Variants in ZNF766 observed in about 807,000 individuals in gnomAD.
ZNF766 encodes zinc finger protein 766.
ZNF766 carries 13 observed loss-of-function variants against 13.2 expected under a neutral mutation model. The ratio of observed to expected loss-of-function variants is 0.98; its 90% CI spans 0.64 to 1.56. ZNF766 has a LOEUF of 1.56. ZNF766 is among the 40% of genes most tolerant of loss of function. The pLI is 0.00. For synonymous variants in ZNF766, 178 were observed against 187.6 expected (o/e 0.95, Z 0.42); for missense variants, 521 against 552.2 (o/e 0.94, Z 0.57).
rs776139258 is a variant in ZNF766, at chr19:52,290,988, A to G, written c.1197A>G (p.Ala399=). 6.2e-7 allele frequency: 1 copy of G among 1,614,132 alleles called. No homozygotes were observed. Among genetic ancestry groups the G allele is most frequent in the Admixed American group, 1.7e-5 (1 of 60,024 alleles). ...TCTTCACTCAAGTTTCACATCTTGC[A>G]CGACATCAGAAAATTCACACTGGAG... ...GKVFTQVSHL[A]RHQKIHTGEK... is the part of the protein sequence containing the mutation. The change falls in exon 4 of 4, where the codon GCA becomes GCG. Residue 399 remains alanine (A), a synonymous_variant. Coordinates refer to ENST00000439461, the MANE Select transcript of ZNF766 (RefSeq NM_001010851.3).
intron 1 of ZNF766, 60 bp downstream of exon 1, chr19:52,269,691 C>G: frequency 6.2e-7 from 1 of 1,604,818 alleles, no homozygotes; most frequent in Non-Finnish European, 8.5e-7. Flanking sequence ...GCTTCTGTAC[C>G]CGGGATGTGG....
intron 1 of ZNF766, among the ~76,000 whole-genome samples, chr19:52,279,921 G>C (rs932101476): frequency 2.1e-5 from 3 of 144,578 alleles, no homozygotes; most frequent in Non-Finnish European, 4.5e-5. Flanking sequence ...TCAGCCTCCC[G>C]AGTAGCTTGG....
At chr19:52,278,939 A>AATTT (rs1352537293) in intron 1 of ZNF766, among the ~76,000 whole-genome samples, 1 of 152,158 alleles carries the variant, frequency 6.6e-6, no homozygotes, top group African/African-American at 2.4e-5. Flanking sequence ...TTTGTCATGA[A>AATTT]ATCTTTGCCC....
intron 3 of ZNF766, chr19:52,288,027 C>CT (rs548374068): frequency 0.059 from 18,437 of 312,534 alleles, no homozygotes; most frequent in South Asian, 0.11. Flanking sequence ...TTTTCTTTTT[C>CT]TTTTTTTTTT....
At chr19:52,286,929 G>A (rs1264627202) in intron 3 of ZNF766, among the ~76,000 whole-genome samples, 1 of 152,096 alleles carries the variant, frequency 6.6e-6, no homozygotes, top group Admixed American at 6.6e-5. Context: ...TCTGCCTACT[G>A]GGCTCAAGTG....
At chr19:52,271,526 C>G (rs914474896) in intron 1 of ZNF766, among the ~76,000 whole-genome samples, 3 of 152,160 alleles carry the variant, frequency 2.0e-5, no homozygotes, top group African/African-American at 7.2e-5. Flanking sequence ...TGTTGCTGAC[C>G]CTGCGATTGT....
intron 1 of ZNF766, among the ~76,000 whole-genome samples, chr19:52,277,809 G>C (rs954502292): frequency 7.2e-5 from 11 of 152,196 alleles, no homozygotes; most frequent in African/African-American, 2.6e-4. Context: ...GGGCCCCGTG[G>C]TGTCAGTGCT....
intron 2 of ZNF766, among the ~76,000 whole-genome samples, chr19:52,282,913 G>A (rs1481237519): frequency 6.6e-6 from 1 of 152,182 alleles, no homozygotes; most frequent in Admixed American, 6.6e-5. Context: ...GTCTGTGGGT[G>A]AATTTGTGAA....
At chr19:52,280,664 C>T (rs2122475179) in intron 1 of ZNF766, among the ~76,000 whole-genome samples, 1 of 152,122 alleles carries the variant, frequency 6.6e-6, no homozygotes, top group Non-Finnish European at 1.5e-5. Flanking sequence ...CTCACTGCAG[C>T]CTCCGCCTCC....
At chr19:52,281,717 A>G (rs1251066331) in intron 1 of ZNF766, 3 of 451,552 alleles carry the variant, frequency 6.6e-6, no homozygotes, top group African/African-American at 6.1e-5. Flanking sequence ...TAACTGCTTG[A>G]TTCTTTAGGT....
Position 52,292,054 on chromosome 19 carries a change from G to T in ZNF766, c.*856G>T, listed in dbSNP as rs1274449746. 1.5e-6 allele frequency: 1 copy of T among 669,658 alleles called. No individual in the cohort carries two copies. Among genetic ancestry groups the T allele is most frequent in the Admixed American group, 2.2e-5 (1 of 44,828 alleles). 41.5% of individuals were successfully genotyped at this position (669,658 alleles called of 1,614,324 possible). ...TCTTGCCATTTGTACTCCAGCTTGG[G>T]TGACAGAGCGAGACCCTGTCTCAAA... On this transcript the variant is annotated 3_prime_UTR_variant, in exon 4 of 4. Transcript: ENST00000439461.
rs1982294706 is a variant in ZNF766 at position 52,295,147 on chromosome 19, T to C, written c.*3949T>C. 1 of 151,910 alleles carries C rather than the reference T, an allele frequency of 6.6e-6. No homozygotes were observed. The highest frequency in any genetic ancestry group is 2.4e-5 in the African/African-American group (1 of 41,380). 9.4% of individuals were successfully genotyped at this position (151,910 alleles called of 1,614,324 possible). On this transcript the variant is annotated 3_prime_UTR_variant, in exon 4 of 4. Coordinates refer to ENST00000439461, the MANE Select transcript of ZNF766 (RefSeq NM_001010851.3). ...TATATAATATTTTTTTTTTACTTTT[T>C]TCTTTTTCTGTACATTGCATCCAGA...
chr19:52,275,934 G>A (rs949596630), intron 1 of ZNF766, among the ~76,000 whole-genome samples: 3 of 152,102 alleles, frequency 2.0e-5, no homozygotes, highest in African/African-American at 7.2e-5. Context: ...ACCTGCCTTG[G>A]TCTCCCAAAG....
In ZNF766 at chr19:52,282,247, A is replaced by C; in HGVS notation, c.145+10A>C. 6.3e-7 allele frequency: 1 copy of C among 1,589,608 alleles called. No homozygotes were observed. Among genetic ancestry groups the C allele is most frequent in the South Asian group, 1.1e-5 (1 of 90,152 alleles). ...AACCTGGTCTCCCTGGGTAAGGATA[A>C]TGCCCCTCCAGAAGTTGGGGTCTGC... is the stretch of plus-strand genomic sequence containing the variant. On this transcript the variant is annotated intron_variant, in intron 2 of 3. Transcript: ENST00000439461.
At chr19:52,278,255 A>G (rs1981314024) in intron 1 of ZNF766, among the ~76,000 whole-genome samples, 1 of 151,852 alleles carries the variant, frequency 6.6e-6, no homozygotes, top group Non-Finnish European at 1.5e-5. Flanking sequence ...TTTTAGTAAT[A>G]GCCATTCTGA....
Position 52,292,293 on chromosome 19 carries a change from G to A in ZNF766, c.*1095G>A, listed in dbSNP as rs942414408. 7.6e-6 allele frequency: 5 copies of A among 657,846 alleles called. No individual in the cohort carries two copies. Among genetic ancestry groups the A allele is most frequent in the African/African-American group, 1.8e-5 (1 of 55,150 alleles). The allele number at this position is 657,846 out of a possible 1,614,324, so 40.8% of individuals were successfully genotyped here. On this transcript the variant is annotated 3_prime_UTR_variant, in exon 4 of 4. Coordinates refer to ENST00000439461, the MANE Select transcript of ZNF766 (RefSeq NM_001010851.3). ...TGTCTGATTTAGAGACCATGGAGGT[G>A]GACAGAGAATAACAAAACCGTGATG...
At position 52,293,577 on chromosome 19, in the gene ZNF766, ATACTTAG is replaced by A. The variant is rs1008396027; in HGVS notation, c.*2386_*2392del. The A allele has an allele frequency of 2.0e-5, 3 of 151,976 alleles. No homozygotes were observed. The highest frequency in any genetic ancestry group is 7.3e-5 in the African/African-American group (3 of 41,342). 9.4% of individuals were successfully genotyped at this position (151,976 alleles called of 1,614,324 possible). A position where few individuals can be genotyped will look rare whatever the true frequency, so the allele number is the denominator to read the frequency against. ...TGGGTAAGTATGATTTTGGGTAATA[ATACTTAG>A]TACTTAAGTTATTCTCTCTACTCTT... is the stretch of plus-strand genomic sequence containing the variant. On this transcript the variant is annotated 3_prime_UTR_variant, in exon 4 of 4. Transcript: ENST00000439461.
rs1982175483 is a variant in ZNF766 at position 52,292,103 on chromosome 19, G to A, written c.*905G>A. 1.4e-6 allele frequency: 1 copy of A among 698,378 alleles called. No individual in the cohort carries two copies. Among genetic ancestry groups the A allele is most frequent in the East Asian group, 2.7e-5 (1 of 37,226 alleles). The allele number at this position is 698,378 out of a possible 1,614,324, so 43.3% of individuals were successfully genotyped here. A position where few individuals can be genotyped will look rare whatever the true frequency, so the allele number is the denominator to read the frequency against. On this transcript the variant is annotated 3_prime_UTR_variant, in exon 4 of 4. Transcript: ENST00000439461. ...AAAGAAAAAAAAGGCTAGTTTTTATGACTTCAACCTGAACTTTGAAATTTC... is the reference window on the plus strand; with the variant it reads ...AAAGAAAAAAAAGGCTAGTTTTTATAACTTCAACCTGAACTTTGAAATTTC...
At chr19:52,280,095 T>C (rs529363835) in intron 1 of ZNF766, among the ~76,000 whole-genome samples, 80 of 152,240 alleles carry the variant, frequency 5.3e-4, no homozygotes, top group African/African-American at 1.9e-3. Flanking sequence ...CGCTCCCAGC[T>C]GGTCTACTTT....
Sources: allele counts gnomAD v4.1 joint callset (sites outside exome capture counted in the v4.1 genomes callset), GRCh38; gene constraint gnomAD v4.1.1; transcripts MANE v1.5; gene names NCBI Gene and HGNC (gene_info 2026-07-23, HGNC 2026-07-21).